DAB2IP: variants seen among roughly 807,000 people sequenced by gnomAD.
The protein encoded by DAB2IP is disabled homolog 2-interacting protein.
DAB2IP carries 28 observed loss-of-function variants against 107.2 expected under a neutral mutation model. The observed-to-expected ratio is 0.26, with a 90% CI of 0.19 to 0.36. The LOEUF (loss-of-function observed/expected upper bound fraction) is 0.36, where lower values mean the gene tolerates loss of function less well. Ranked by LOEUF, DAB2IP falls within the 10% of genes least tolerant of loss-of-function variation. The pLI is 1.00. For missense variants in DAB2IP, 1,400 were observed against 1,644.7 expected, an observed-to-expected ratio of 0.85 and a Z score of 2.57; for synonymous variants, 755 against 706.4, an observed-to-expected ratio of 1.07 and a Z score of -1.09.
intron 3 of DAB2IP, among the ~76,000 whole-genome samples, chr9:121,720,757 G>A (rs892343197): frequency 6.6e-6 from 1 of 152,022 alleles, no homozygotes; most frequent in Non-Finnish European, 1.5e-5. Context: ...GCTGCAGTAG[G>A]CACCTGGCTC....
rs752492324 is a variant in DAB2IP at position 121,757,013 on chromosome 9, G to C, written c.363G>C (p.Arg121Ser). 3 of 1,613,978 alleles carry C rather than the reference G, an allele frequency of 1.9e-6. No individual in the cohort carries two copies. In the Admixed American group the frequency reaches 5.0e-5, roughly 27 times the overall value. Reference sequence around the variant, plus strand: ...CCTGACACACCTACTGCCACCCCAGGTCCCATCTGATGCCGAGGCTGAAGG... The same window carrying C: ...CCTGACACACCTACTGCCACCCCAGCTCCCATCTGATGCCGAGGCTGAAGG... Residue 121 changes from arginine to serine, a missense_variant and splice_region_variant, in exon 4 of 16, where the codon AGG (arginine) becomes AGC (serine). Around this residue, in one of 3 missense-constraint regions of DAB2IP, gnomAD observed 283 missense variants for 237.0 expected, o/e 1.19. Coordinates refer to ENST00000408936, the Ensembl canonical transcript of DAB2IP.
chr9:121,771,965 G>A (rs544638127), intron 11 of DAB2IP, among the ~76,000 whole-genome samples: 1 of 152,296 alleles, frequency 6.6e-6, no homozygotes, highest in Non-Finnish European at 1.5e-5. Flanking sequence ...AGGGGCCAGG[G>A]AGAGGCCAGA....
chr9:121,700,880 G>A (rs1001107387), intron 3 of DAB2IP, among the ~76,000 whole-genome samples: 1 of 152,156 alleles, frequency 6.6e-6, no homozygotes, highest in African/African-American at 2.4e-5. Context: ...GGGACCAGGC[G>A]TGCCCTGGCA....
exon 4 of DAB2IP, chr9:121,757,044 C>T (rs138827521): frequency 3.1e-6 from 5 of 1,614,070 alleles, no homozygotes; most frequent in Middle Eastern, 3.3e-4. Context: ...GAAGGAGTCT[C>T]GCTCCCACGA....
chr9:121,589,810 C>T (rs1457933523), intron 1 of DAB2IP, among the ~76,000 whole-genome samples: 1 of 152,160 alleles, frequency 6.6e-6, no homozygotes, highest in African/African-American at 2.4e-5. Context: ...AAAAGCTTGG[C>T]ATTGCTCAGG....
intron 3 of DAB2IP, among the ~76,000 whole-genome samples, chr9:121,750,309 A>C (rs369863688): frequency 6.6e-6 from 1 of 152,200 alleles, no homozygotes; most frequent in African/African-American, 2.4e-5. Flanking sequence ...TTTCTGTAGC[A>C]TTCACTTGTG....
At chr9:121,581,588 A>C (rs916944105) in intron 1 of DAB2IP, among the ~76,000 whole-genome samples, 2 of 152,188 alleles carry the variant, frequency 1.3e-5, no homozygotes, top group Non-Finnish European at 2.9e-5. Context: ...CCCTGGTTGT[A>C]CTACCAGGAA....
intron 1 of DAB2IP, among the ~76,000 whole-genome samples, chr9:121,643,968 G>A (rs1044894080): frequency 2.6e-5 from 4 of 152,190 alleles, no homozygotes; most frequent in African/African-American, 9.6e-5. Context: ...AGGAGTTCGA[G>A]ACCAGTCTGA....
Position 121,659,956 on chromosome 9 carries a change from C to T in DAB2IP, c.124+8057C>T, listed in dbSNP as rs117848742. 3.8e-4 allele frequency among the ~76,000 whole-genome samples: 58 copies of T among 152,120 alleles called. No individual in the cohort carries two copies. The East Asian group carries it at 0.011, about 29-fold the overall frequency. On this transcript the variant is annotated intron_variant, in intron 1 of 15. Coordinates refer to ENST00000408936, the Ensembl canonical transcript of DAB2IP. ...TTAGCGAGCCACCTAGTATGTGTGA[C>T]CTGGGTGCCAGGGGCTGCCACAGCA...
chr9:121,783,960 G>A (rs1394027390), exon 16 of DAB2IP: 14 of 239,522 alleles, frequency 5.8e-5, no homozygotes, highest in Middle Eastern at 1.5e-3. Flanking sequence ...AGGGCAGGGC[G>A]AGCTGCAGGA....
chr9:121,590,479 G>A (rs190282381), intron 1 of DAB2IP, among the ~76,000 whole-genome samples: 2 of 151,980 alleles, frequency 1.3e-5, no homozygotes, highest in Admixed American at 6.6e-5. Context: ...AAACAGATGG[G>A]GCTTGAGAAC....
intron 1 of DAB2IP, among the ~76,000 whole-genome samples, chr9:121,656,152 G>C (rs1255744822): frequency 6.6e-6 from 1 of 152,108 alleles, no homozygotes; most frequent in Non-Finnish European, 1.5e-5. Context: ...GGGATTACAG[G>C]CATGCACCAC....
chr9:121,618,195 T>TC, intron 1 of DAB2IP, among the ~76,000 whole-genome samples: 1 of 151,848 alleles, frequency 6.6e-6, no homozygotes, highest in East Asian at 1.9e-4. Context: ...TCTTCCCATT[T>TC]CCCCCCAGTT....
intron 1 of DAB2IP, among the ~76,000 whole-genome samples, chr9:121,572,355 C>A (rs1279900840): frequency 6.6e-6 from 1 of 152,048 alleles, no homozygotes. Context: ...GGGTGCTGCA[C>A]AGCACTGGTC....
Position 121,702,826 on chromosome 9 carries a change from G to T in DAB2IP, c.362+3368G>T, listed in dbSNP as rs189441007. 3.3e-5 allele frequency among the ~76,000 whole-genome samples: 5 copies of T among 152,212 alleles called. No homozygotes were observed. The highest frequency in any genetic ancestry group is 1.2e-4 in the African/African-American group (5 of 41,534). ...CTCATTCCTTCTCTCTCCTGATGCT[G>T]TTTCTGGGTGACTCTAGCCCTCCAC... On this transcript the variant is annotated intron_variant, in intron 3 of 15. Transcript: ENST00000408936. This position sits in a 1 kb window ranked among gnomAD's most constrained non-coding sequence, Gnocchi z 4.5.
At chr9:121,783,475 A>G in exon 16 of DAB2IP, 2 of 1,613,900 alleles carry the variant, frequency 1.2e-6, no homozygotes, top group East Asian at 4.5e-5. Flanking sequence ...GTTTAAAAAA[A>G]GATTCTAACG....
At chr9:121,773,535 G>A in intron 12 of DAB2IP, 40 bp downstream of exon 12, 5 of 1,432,576 alleles carry the variant, frequency 3.5e-6, no homozygotes, top group Non-Finnish European at 2.7e-6. Context: ...GGGCACTTGG[G>A]CCCAGCTGGG....
intron 3 of DAB2IP, among the ~76,000 whole-genome samples, chr9:121,720,531 A>G (rs1447965022): frequency 1.3e-5 from 2 of 152,198 alleles, no homozygotes; most frequent in Non-Finnish European, 2.9e-5. Context: ...AAGCTTAGGA[A>G]GAGGAGGGCT....
In DAB2IP at chr9:121,766,394, C is replaced by T. The variant is rs567645507; in HGVS notation, c.1461-100C>T. On this transcript the variant is annotated intron_variant, in intron 8 of 15. Coordinates refer to ENST00000408936, the Ensembl canonical transcript of DAB2IP. ...AGCGGGGCTGACCTCACGCAGCTGG[C>T]GGGGTAGAGCCAAGGTTGGAATGCA... 53 of 1,101,704 alleles carry T rather than the reference C, an allele frequency of 4.8e-5. 1 individual carries two copies. The highest frequency in any genetic ancestry group is 2.9e-4 in the African/African-American group (19 of 65,170). The allele number at this position is 1,101,704 out of a possible 1,614,324, so 68.2% of individuals were successfully genotyped here.
Sources: allele counts gnomAD v4.1 joint callset (sites outside exome capture counted in the v4.1 genomes callset), GRCh38; gene constraint gnomAD v4.1.1; regional missense constraint gnomAD v4.1.1; non-coding constraint Gnocchi (gnomAD v3.1); transcripts MANE v1.5; gene names NCBI Gene and HGNC (gene_info 2026-07-23, HGNC 2026-07-21).